Variants in ZNF385C observed in about 807,000 individuals in gnomAD.
The protein encoded by ZNF385C is CTD-2132N18.2.
ZNF385C carries 28 observed loss-of-function variants against 35.4 expected under a neutral mutation model. That is an observed-to-expected ratio of 0.79 (90% confidence interval 0.59 to 1.08). The LOEUF is 1.08. Ranked by LOEUF, ZNF385C falls within the 50% of genes least tolerant of loss-of-function variation. The pLI is 0.00. For missense variants in ZNF385C, 605 were observed against 595.6 expected, an observed-to-expected ratio of 1.02 and a Z score of -0.16; for synonymous variants, 248 against 248.2, an observed-to-expected ratio of 1.00 and a Z score of 0.01.
chr17:42,053,097 C>T (rs1471480917), intron 2 of ZNF385C, among the ~76,000 whole-genome samples: 2 of 152,218 alleles, frequency 1.3e-5, no homozygotes, highest in Non-Finnish European at 2.9e-5. Context: ...TTCTCCAGAG[C>T]CCCCAAGCCA....
At chr17:42,047,629 A>G (rs1026094082) in intron 2 of ZNF385C, among the ~76,000 whole-genome samples, 4 of 151,622 alleles carry the variant, frequency 2.6e-5, no homozygotes, top group African/African-American at 4.8e-5. Flanking sequence ...GCCAGATGCA[A>G]TCGTAACTTC....
chr17:42,027,278 A>G (rs1000854996), intron 8 of ZNF385C, 145 bp from the exon 9 acceptor site: 1 of 745,450 alleles, frequency 1.3e-6, no homozygotes, highest in East Asian at 2.6e-5. Flanking sequence ...CCCACCCCCA[A>G]ACATTCATTC....
chr17:42,054,538 T>C (rs1393209743), intron 2 of ZNF385C, among the ~76,000 whole-genome samples: 1 of 151,114 alleles, frequency 6.6e-6, no homozygotes, highest in Non-Finnish European at 1.5e-5. Flanking sequence ...ATCTGGGCGA[T>C]GCCAGGAAGG....
intron 3 of ZNF385C, among the ~76,000 whole-genome samples, chr17:42,035,642 C>T (rs908308842): frequency 1.3e-4 from 19 of 147,942 alleles, no homozygotes; most frequent in African/African-American, 4.7e-4. Context: ...ACTTCCACCT[C>T]TCAGGTTCAA....
Position 42,027,624 on chromosome 17 carries a change from G to A in ZNF385C, c.1269C>T (p.Ile423=). The A allele has an allele frequency of 1.3e-6, 2 of 1,577,892 alleles. No individual in the cohort carries two copies. Among genetic ancestry groups the A allele is most frequent in the Non-Finnish European group, 1.7e-6 (2 of 1,164,814 alleles). The change falls in exon 8 of 9, where the codon ATC becomes ATT. Residue 423 remains isoleucine (I), a synonymous_variant. Transcript: ENST00000692273. The part of the protein sequence containing the change: ...LQKHAALAVS[I]LKSKLALQKQ... ...GTTGCCTGGAGACAGATACCTTGAG[G>A]ATACTCACAGCCAGCGCTGCGTGCT...
Position 42,031,626 on chromosome 17 carries a change from C to G in ZNF385C, c.669G>C (p.Gln223His). 6.4e-7 allele frequency: 1 copy of G among 1,550,546 alleles called. No individual in the cohort carries two copies. Residue 223 changes from glutamine (Q) to histidine (H), a missense_variant, in exon 5 of 9, where the codon CAG becomes CAC. Transcript: ENST00000692273. ...GAAGAGCTCAGGACTGACCTTTACT[C>G]TGTGGCTCTCCAGGGGCTCCACTGG... ...TLASGAPGEP[Q>H]SKVPAAPPLG...
At chr17:42,076,445 C>A (rs1555659269) in intron 1 of ZNF385C, among the ~76,000 whole-genome samples, 3 of 152,092 alleles carry the variant, frequency 2.0e-5, no homozygotes, top group Admixed American at 2.0e-4. Context: ...CACGGTGAAA[C>A]CCCATCTCTA....
intron 1 of ZNF385C, among the ~76,000 whole-genome samples, chr17:42,098,099 C>A (rs1555661109): frequency 1.3e-5 from 2 of 152,208 alleles, no homozygotes; most frequent in African/African-American, 4.8e-5. Context: ...TCCGGACCCC[C>A]GTCCTCACCA....
chr17:42,057,679 T>G (rs1400105702), intron 2 of ZNF385C, among the ~76,000 whole-genome samples: 1 of 152,060 alleles, frequency 6.6e-6, no homozygotes, highest in Non-Finnish European at 1.5e-5. Context: ...GCGCAGTGGC[T>G]CACGCCTATA....
chr17:42,077,651 C>T (rs1191307160), intron 1 of ZNF385C, among the ~76,000 whole-genome samples: 1 of 152,186 alleles, frequency 6.6e-6, no homozygotes, highest in African/African-American at 2.4e-5. Flanking sequence ...GGGACTCAGG[C>T]AAGGAGCAGA....
chr17:42,037,965 T>A (rs1318672166), intron 2 of ZNF385C, 80 bp from the exon 3 acceptor site: 1 of 1,542,808 alleles, frequency 6.5e-7, no homozygotes, highest in Non-Finnish European at 8.7e-7. Flanking sequence ...GTGGGCTTCT[T>A]GGGTGTGGAG....
intron 1 of ZNF385C, among the ~76,000 whole-genome samples, chr17:42,075,316 G>T (rs1024552637): frequency 5.3e-5 from 8 of 152,004 alleles, no homozygotes; most frequent in Admixed American, 6.6e-5. Flanking sequence ...CCCTGCTTTG[G>T]TTACCCAACT....
intron 7 of ZNF385C, 133 bp downstream of exon 7, chr17:42,027,917 G>C: frequency 7.8e-7 from 1 of 1,288,492 alleles, no homozygotes; most frequent in South Asian, 1.4e-5. Flanking sequence ...TTGGCCCACT[G>C]GCCTGCTGGC....
rs1555654222 is a variant in ZNF385C at position 42,026,861 on chromosome 17, G to A, written c.*36C>T. On this transcript the variant is annotated 3_prime_UTR_variant, in exon 9 of 9. Coordinates refer to ENST00000692273, the MANE Select transcript of ZNF385C (RefSeq NM_001392013.1). ...TCAGGACAGGAGGAGACAAGGAGTG[G>A]CTATTGGGAAATCAGCTCTGGCCTC... is the stretch of plus-strand genomic sequence containing the variant. 2 of 1,546,538 alleles carry A rather than the reference G, an allele frequency of 1.3e-6. No individual in the cohort carries two copies. Among genetic ancestry groups the A allele is most frequent in the Admixed American group, 1.9e-5 (1 of 51,578 alleles).
At chr17:42,035,080 C>G (rs2052819257) in intron 3 of ZNF385C, among the ~76,000 whole-genome samples, 1 of 115,574 alleles carries the variant, frequency 8.7e-6, no homozygotes, top group Admixed American at 1.2e-4. Flanking sequence ...GATTGCGCCA[C>G]TGCACTCCAG....
intron 2 of ZNF385C, 60 bp downstream of exon 2, chr17:42,062,747 G>A: frequency 2.0e-6 from 1 of 500,924 alleles, no homozygotes; most frequent in Non-Finnish European, 3.5e-6. Flanking sequence ...CCTCAGAGGG[G>A]CCCAGACAGA....
At chr17:42,027,556 C>CCCA in intron 8 of ZNF385C, 62 bp downstream of exon 8, 1 of 458,758 alleles carries the variant, frequency 2.2e-6, no homozygotes, top group Non-Finnish European at 4.1e-6. Context: ...CCCATCTGGC[C>CCCA]CTCCCAGCCC....
At chr17:42,063,088 C>A in intron 1 of ZNF385C, 30 bp from the exon 2 acceptor site, 1 of 587,946 alleles carries the variant, frequency 1.7e-6, no homozygotes, top group Non-Finnish European at 3.0e-6. Context: ...GATGAATGAA[C>A]GCCAAATGGT....
At chr17:42,035,782 C>T (rs566963439) in intron 3 of ZNF385C, among the ~76,000 whole-genome samples, 51 of 151,652 alleles carry the variant, frequency 3.4e-4, no homozygotes, top group Non-Finnish European at 6.8e-4. Context: ...CGAACTCCTG[C>T]CCTCAAAATG....
Sources: allele counts gnomAD v4.1 joint callset (sites outside exome capture counted in the v4.1 genomes callset), GRCh38; gene constraint gnomAD v4.1.1; transcripts MANE v1.5; gene names NCBI Gene and HGNC (gene_info 2026-07-23, HGNC 2026-07-21).